UHMK1: variants seen among roughly 807,000 people sequenced by gnomAD.
UHMK1 encodes serine/threonine-protein kinase Kist.
A neutral mutation model predicts 44.0 loss-of-function variants in UHMK1; 18 were observed. The observed-to-expected ratio is 0.41, with a 90% CI of 0.28 to 0.61. UHMK1 has a LOEUF of 0.61. Among genes scored for constraint, UHMK1 ranks in the 20% least tolerant of loss-of-function variants. UHMK1 has a pLI of 0.31. For missense variants in UHMK1, 463 were observed against 522.5 expected (o/e 0.89, Z 1.11); for synonymous variants, 231 against 198.5 (o/e 1.16, Z -1.38).
rs760530558 is a variant in UHMK1, at chr1:162,522,562, A to G, written c.*12A>G. The stretch of plus-strand genomic sequence containing the variant: ...AAACCTTGCTTTAATCAGTAACCTA[A>G]GGACTGTTTCCTTTTTCTCCTCTTC... On this transcript the variant is annotated 3_prime_UTR_variant, in exon 8 of 8. Coordinates refer to ENST00000489294, the MANE Select transcript of UHMK1 (RefSeq NM_175866.5). 2 of 1,608,878 alleles carry G rather than the reference A, an allele frequency of 1.2e-6. No homozygotes were observed. Among genetic ancestry groups the G allele is most frequent in the Admixed American group, 3.4e-5 (2 of 58,882 alleles).
In UHMK1 at chr1:162,500,156, C is replaced by T. The variant is rs770361744; in HGVS notation, c.470C>T (p.Ala157Val). The change falls in exon 2 of 8, where the codon GCG becomes GTG. Residue 157 changes from alanine to valine, a missense_variant. By Grantham distance (64) the Ala-to-Val change is moderately conservative (BLOSUM62 0). Transcript: ENST00000489294. ...CTTCATCATGAGGGCTATGTCCATG[C>T]GGACCTCAAACCACGTAACATATTG... The part of the protein sequence containing the change: ...AFLHHEGYVH[A>V]DLKPRNILWS... 4 of 1,614,030 alleles carry T rather than the reference C, an allele frequency of 2.5e-6. No homozygotes were observed. Among genetic ancestry groups the T allele is most frequent in the Admixed American group, 1.7e-5 (1 of 59,990 alleles).
chr1:162,519,845 ACTGCCAGATGTCTGT>A (rs1444847873), intron 7 of UHMK1, among the ~76,000 whole-genome samples: 3 of 152,200 alleles, frequency 2.0e-5, no homozygotes, highest in African/African-American at 7.2e-5. Flanking sequence ...GTCTCTAGAC[ACTGCCAGATGTCTGT>A]CCTCTAGGGG....
chr1:162,503,661 C>G, intron 3 of UHMK1, 93 bp from the exon 4 acceptor site: 3 of 623,868 alleles, frequency 4.8e-6, no homozygotes, highest in Non-Finnish European at 8.0e-6. Flanking sequence ...ATAGTGTTTT[C>G]TGTTGCATTT....
At position 162,522,773 on chromosome 1, in the gene UHMK1, A is replaced by C; in HGVS notation, c.*223A>C. On this transcript the variant is annotated 3_prime_UTR_variant, in exon 8 of 8. Coordinates refer to ENST00000489294, the MANE Select transcript of UHMK1 (RefSeq NM_175866.5). ...TACATTGAGGGGTTTTAGAGCATCC[A>C]TGTGGGCAACCCTTTTTTGTGCGGG... 2.4e-6 allele frequency: 1 copy of C among 412,978 alleles called. No individual in the cohort carries two copies. The highest frequency in any genetic ancestry group is 3.8e-5 in the East Asian group (1 of 26,056). The allele number at this position is 412,978 out of a possible 1,614,324, so 25.6% of individuals were successfully genotyped here.
rs760060222 is a variant in UHMK1, at chr1:162,503,859, C to T, written c.848+11C>T. 24 of 1,610,276 alleles carry T rather than the reference C, an allele frequency of 1.5e-5. No individual in the cohort carries two copies. Among genetic ancestry groups the T allele is most frequent in the Middle Eastern group, 1.7e-4 (1 of 6,050 alleles). Reference sequence around the variant, plus strand: ...AGACCTTATCAAAAGGTATGTTACACGTACCATAAACTTGCTTTGCATTCA... The same window carrying T: ...AGACCTTATCAAAAGGTATGTTACATGTACCATAAACTTGCTTTGCATTCA... On this transcript the variant is annotated intron_variant, in intron 4 of 7. Transcript: ENST00000489294.
chr1:162,521,764 G>A (rs1652067882), intron 7 of UHMK1, among the ~76,000 whole-genome samples: 2 of 152,238 alleles, frequency 1.3e-5, no homozygotes, highest in Non-Finnish European at 1.5e-5. Flanking sequence ...GGGTAGCTGG[G>A]ATTACAGGTG....
In UHMK1 at chr1:162,525,650, A is replaced by C. The variant is rs1387944333; in HGVS notation, c.*3100A>C. ...AAAAGTACTGACTGCCTTTTAAAGG[A>C]ATTTTTAAAACTATTCTCTTGCAAT... On this transcript the variant is annotated 3_prime_UTR_variant, in exon 8 of 8. Transcript: ENST00000489294. 6.6e-6 allele frequency: 1 copy of C among 152,190 alleles called. No individual in the cohort carries two copies. The highest frequency in any genetic ancestry group is 1.5e-5 in the Non-Finnish European group (1 of 68,022). 9.4% of individuals were successfully genotyped at this position (152,190 alleles called of 1,614,324 possible).
At chr1:162,507,941 G>T (rs1651537135) in intron 4 of UHMK1, among the ~76,000 whole-genome samples, 2 of 151,896 alleles carry the variant, frequency 1.3e-5, no homozygotes, top group East Asian at 1.9e-4. Context: ...GACATTATTT[G>T]TTATGTTTAT....
Position 162,497,825 on chromosome 1 carries a change from G to A in UHMK1, c.-176G>A. 2.2e-6 allele frequency: 3 copies of A among 1,336,950 alleles called. No homozygotes were observed. Among genetic ancestry groups the A allele is most frequent in the Non-Finnish European group, 2.9e-6 (3 of 1,048,198 alleles). The allele number at this position is 1,336,950 out of a possible 1,614,324, so 82.8% of individuals were successfully genotyped here. On this transcript the variant is annotated 5_prime_UTR_variant, in exon 1 of 8. Transcript: ENST00000489294. ...CCTCCATTTCCGGCTTCTGGGACTC[G>A]GGTGCACCACGGCTTCCGGTGTCAT...
At chr1:162,505,397 T>C (rs1467977202) in intron 4 of UHMK1, among the ~76,000 whole-genome samples, 1 of 145,146 alleles carries the variant, frequency 6.9e-6, no homozygotes, top group East Asian at 2.0e-4. Flanking sequence ...GAGGGCGATG[T>C]ACTTTAAAGT....
At chr1:162,506,222 AGC>A (rs778247803) in intron 4 of UHMK1, among the ~76,000 whole-genome samples, 24 of 28,468 alleles carry the variant, frequency 8.4e-4, no homozygotes, top group African/African-American at 4.2e-3. Context: ...TTTAAATAAT[AGC>A]CCCCCCCCCC....
At chr1:162,508,092 T>A (rs958117490) in intron 4 of UHMK1, among the ~76,000 whole-genome samples, 12 of 151,946 alleles carry the variant, frequency 7.9e-5, no homozygotes, top group African/African-American at 2.7e-4. Context: ...TATCGTTTTT[T>A]AAAAATGTCT....
At chr1:162,513,024 C>G (rs1651720451) in intron 6 of UHMK1, 8 of 493,078 alleles carry the variant, frequency 1.6e-5, no homozygotes, top group South Asian at 4.1e-5. Flanking sequence ...ACGATCTCAG[C>G]TCACTGCAAC....
At chr1:162,498,356 C>T (rs2101666636) in intron 1 of UHMK1, 88 bp downstream of exon 1, 1 of 1,467,126 alleles carries the variant, frequency 6.8e-7, no homozygotes, top group East Asian at 2.4e-5. Context: ...CATCTTCCTC[C>T]CCTTCTGCGG....
chr1:162,514,537 T>C (rs773505434), intron 6 of UHMK1, among the ~76,000 whole-genome samples: 1 of 152,164 alleles, frequency 6.6e-6, no homozygotes, highest in Non-Finnish European at 1.5e-5. Context: ...TACAATCTGG[T>C]TTGTTTTGTT....
At chr1:162,497,543 T>C (rs761528791), upstream of UHMK1, among the ~76,000 whole-genome samples, 5 of 152,114 alleles carry the variant, frequency 3.3e-5, no homozygotes, top group Non-Finnish European at 5.9e-5. Context: ...GGATCCTTTC[T>C]ATGAGAAATG....
intron 3 of UHMK1, among the ~76,000 whole-genome samples, chr1:162,501,621 G>T (rs1197696112): frequency 6.6e-6 from 1 of 152,128 alleles, no homozygotes; most frequent in African/African-American, 2.4e-5. Flanking sequence ...CCTGTGGCTT[G>T]GCATATAGTA....
intron 6 of UHMK1, among the ~76,000 whole-genome samples, chr1:162,516,106 T>A (rs1342204772): frequency 6.6e-6 from 1 of 152,150 alleles, no homozygotes; most frequent in Non-Finnish European, 1.5e-5. Context: ...ATAACCCTCC[T>A]CCTCTATCTT....
At chr1:162,520,017 G>A (rs1557947083) in intron 7 of UHMK1, among the ~76,000 whole-genome samples, 1 of 152,112 alleles carries the variant, frequency 6.6e-6, no homozygotes, top group Non-Finnish European at 1.5e-5. Flanking sequence ...TTCTGCCTCA[G>A]CCTCCCGAGT....
Sources: allele counts gnomAD v4.1 joint callset (sites outside exome capture counted in the v4.1 genomes callset), GRCh38; gene constraint gnomAD v4.1.1; transcripts MANE v1.5; gene names NCBI Gene and HGNC (gene_info 2026-07-23, HGNC 2026-07-21).